Variants in GAD1 observed in about 807,000 individuals in gnomAD.
GAD1 encodes glutamate decarboxylase 1, also known as 67 kDa glutamic acid decarboxylase.
A neutral mutation model predicts 75.2 loss-of-function variants in GAD1; 35 were observed. That is an observed-to-expected ratio of 0.47 (90% CI 0.36 to 0.62). The LOEUF is 0.62. GAD1 is among the 20% of genes least tolerant of loss of function. The pLI, the probability that GAD1 is intolerant of heterozygous loss-of-function variation, is 0.00. For synonymous variants in GAD1, 257 were observed against 271.9 expected (o/e 0.95, Z 0.54); for missense variants, 490 against 758.5 (o/e 0.65, Z 4.16).
intron 13 of GAD1, 161 bp downstream of exon 13, chr2:170,852,953 C>T: frequency 1.4e-6 from 1 of 710,252 alleles, no homozygotes; most frequent in Non-Finnish European, 2.6e-6. Flanking sequence ...TTGCAGCTAA[C>T]CTGGTTTCTT....
rs1575420540 is a variant in GAD1 at position 170,818,197 on chromosome 2, A to C, written c.-63-332A>C. The stretch of plus-strand genomic sequence containing the variant: ...CTGTGCTCCTAGCCTAGTCCCCCAC[A>C]CCCTTGCGTCTTGTACTGGCCTTGG... On this transcript the variant is annotated intron_variant, in intron 1 of 16. Coordinates refer to ENST00000358196, the MANE Select transcript of GAD1 (RefSeq NM_000817.3). The surrounding 1 kb of genome is among the most constrained non-coding windows in gnomAD (Gnocchi z 5.9). The C allele has an allele frequency of 2.8e-5, 7 of 252,932 alleles. No homozygotes were observed. The highest frequency in any genetic ancestry group is 1.0e-4 in the East Asian group (1 of 9,660). The allele number at this position is 252,932 out of a possible 1,614,324, so 15.7% of individuals were successfully genotyped here.
At chr2:170,822,674 G>A (rs1376723786) in intron 3 of GAD1, among the ~76,000 whole-genome samples, 1 of 152,254 alleles carries the variant, frequency 6.6e-6, no homozygotes, top group Non-Finnish European at 1.5e-5. Flanking sequence ...GGGTCGCATT[G>A]AAAGTGGTCT....
upstream of GAD1, among the ~76,000 whole-genome samples, chr2:170,813,632 G>T (rs1390026116): frequency 6.6e-6 from 1 of 152,150 alleles, no homozygotes; most frequent in African/African-American, 2.4e-5. Flanking sequence ...CCCGCAGCCC[G>T]TTTGGGCGCT....
intron 15 of GAD1, 130 bp downstream of exon 15, chr2:170,857,255 A>C: frequency 1.5e-6 from 1 of 685,548 alleles, no homozygotes; most frequent in Non-Finnish European, 2.6e-6. Flanking sequence ...TTTTATTCTT[A>C]TACACTCTTA....
chr2:170,855,209 CT>C (rs536241751), intron 14 of GAD1, among the ~76,000 whole-genome samples: 4,078 of 129,228 alleles, frequency 0.032, 104 homozygotes, highest in African/African-American at 0.081. Context: ...GTCATTTTGT[CT>C]TTTTTTTTTT....
intron 5 of GAD1, among the ~76,000 whole-genome samples, chr2:170,831,594 A>ATATGTGTG (rs1491335706): frequency 8.1e-6 from 1 of 122,804 alleles, no homozygotes; most frequent in Non-Finnish European, 1.7e-5. Context: ...GTCTCTACAT[A>ATATGTGTG]TGTGTGTGTG....
At chr2:170,836,116 T>C (rs1003372857) in intron 5 of GAD1, among the ~76,000 whole-genome samples, 2 of 151,986 alleles carry the variant, frequency 1.3e-5, no homozygotes, top group African/African-American at 4.8e-5. Flanking sequence ...TTTTTCTTTT[T>C]TTTTTTTTCA....
intron 6 of GAD1, among the ~76,000 whole-genome samples, chr2:170,837,304 C>T (rs1373714399): frequency 3.9e-5 from 6 of 152,198 alleles, no homozygotes; most frequent in African/African-American, 1.2e-4. Context: ...ATTTGATCAA[C>T]CTATTGCTTA....
At chr2:170,849,074 A>G (rs1702697474) in intron 11 of GAD1, 2 of 628,778 alleles carry the variant, frequency 3.2e-6, no homozygotes, top group South Asian at 3.5e-5. Context: ...TCACTTGTGC[A>G]GCTAAAGTCC....
chr2:170,844,617 A>G (rs1003321077), intron 7 of GAD1, among the ~76,000 whole-genome samples: 2 of 152,060 alleles, frequency 1.3e-5, no homozygotes, highest in Non-Finnish European at 2.9e-5. Context: ...ACTATTAAAC[A>G]ACTCCATTCT....
intron 14 of GAD1, among the ~76,000 whole-genome samples, chr2:170,855,046 T>A (rs1010207575): frequency 3.3e-5 from 5 of 152,168 alleles, no homozygotes; most frequent in Non-Finnish European, 5.9e-5. Flanking sequence ...ATACCTTGTT[T>A]TTGTTATAAA....
chr2:170,851,441 G>A (rs1171442129), intron 12 of GAD1, among the ~76,000 whole-genome samples: 2 of 152,138 alleles, frequency 1.3e-5, no homozygotes, highest in Non-Finnish European at 2.9e-5. Flanking sequence ...TTTCACAAAG[G>A]TTTTATTATA....
In GAD1 at chr2:170,859,965, C is replaced by A; in HGVS notation, c.*83C>A. 2 of 1,243,092 alleles carry A rather than the reference C, an allele frequency of 1.6e-6. No homozygotes were observed. Among genetic ancestry groups the A allele is most frequent in the Non-Finnish European group, 2.3e-6 (2 of 857,178 alleles). 77.0% of individuals were successfully genotyped at this position (1,243,092 alleles called of 1,614,324 possible). A position where few individuals can be genotyped will look rare whatever the true frequency, so the allele number is the denominator to read the frequency against. On this transcript the variant is annotated 3_prime_UTR_variant, in exon 17 of 17. Coordinates refer to ENST00000358196, the MANE Select transcript of GAD1 (RefSeq NM_000817.3). Reference sequence around the variant, plus strand: ...CAAACCTCTATATGTTGCTGAAACACACAGGCCATTTCATTGAGGGAAAAC... The same window carrying A: ...CAAACCTCTATATGTTGCTGAAACAAACAGGCCATTTCATTGAGGGAAAAC...
intron 3 of GAD1, among the ~76,000 whole-genome samples, chr2:170,826,955 G>T (rs1478391943): frequency 6.6e-6 from 1 of 152,190 alleles, no homozygotes; most frequent in Non-Finnish European, 1.5e-5. Context: ...AGGAATTCAG[G>T]AAGTAGGCAA....
At chr2:170,824,929 C>CGTGTGT (rs56938472) in intron 3 of GAD1, among the ~76,000 whole-genome samples, 19,831 of 149,854 alleles carry the variant, frequency 0.13, 3,691 homozygotes, top group African/African-American at 0.42. Flanking sequence ...AGCCTACACT[C>CGTGTGT]GTGTGTGTGT....
intron 6 of GAD1, among the ~76,000 whole-genome samples, chr2:170,837,094 A>G (rs1702396538): frequency 6.6e-6 from 1 of 152,230 alleles, no homozygotes; most frequent in Non-Finnish European, 1.5e-5. Context: ...AAGCATGGTC[A>G]TGAGAAATAA....
In GAD1 at chr2:170,818,584, C is replaced by T; in HGVS notation, c.-8C>T. 6.2e-7 allele frequency: 1 copy of T among 1,614,074 alleles called. No homozygotes were observed. The highest frequency in any genetic ancestry group is 2.2e-5 in the East Asian group (1 of 44,876). On this transcript the variant is annotated 5_prime_UTR_variant, in exon 2 of 17. Coordinates refer to ENST00000358196, the MANE Select transcript of GAD1 (RefSeq NM_000817.3). The surrounding 1 kb of genome is among the most constrained non-coding windows in gnomAD (Gnocchi z 5.9). ...CTGGACAGTAGAGGCCCCGGGACGA[C>T]CGAGCTGATGGCGTCTTCGACCCCA...
intron 10 of GAD1, among the ~76,000 whole-genome samples, chr2:170,846,450 G>A (rs16858988): frequency 0.18 from 27,142 of 152,178 alleles, 2,938 homozygotes; most frequent in South Asian, 0.33. Context: ...TTAGCAAAGT[G>A]CTTCCATGCC....
chr2:170,854,719 A>G (rs1702815454), intron 14 of GAD1, among the ~76,000 whole-genome samples: 1 of 152,122 alleles, frequency 6.6e-6, no homozygotes, highest in Admixed American at 6.5e-5. Context: ...GAATTCTTTT[A>G]TGAGGCTTCT....
Sources: gnomAD v4.1 joint callset for allele counts (sites outside exome capture counted in the v4.1 genomes callset) on GRCh38, gnomAD v4.1.1 for gene constraint, Gnocchi (gnomAD v3.1) non-coding constraint, MANE v1.5 for transcripts, NCBI Gene and HGNC (gene_info 2026-07-23, HGNC 2026-07-21) for gene names.